THSD4: variants seen among roughly 807,000 people sequenced by gnomAD.
The protein encoded by THSD4 is thrombospondin type 1 domain containing 4.
In THSD4, 69 loss-of-function variants were observed where a neutral mutation model predicts 119.0. The ratio of observed to expected loss-of-function variants is 0.58; its 90% confidence interval spans 0.48 to 0.71. The LOEUF (loss-of-function observed/expected upper bound fraction) is 0.71. THSD4 is among the 30% of genes least tolerant of loss of function. The pLI, the probability that THSD4 is intolerant of heterozygous loss-of-function variation, is 0.00. For missense variants in THSD4, 1,393 were observed against 1,391.1 expected, an observed-to-expected ratio of 1.00 and a Z score of -0.02; for synonymous variants, 524 against 540.4, an observed-to-expected ratio of 0.97 and a Z score of 0.42.
At chr15:71,097,832 C>T (rs975165708) in intron 1 of THSD4, among the ~76,000 whole-genome samples, 1 of 151,592 alleles carries the variant, frequency 6.6e-6, no homozygotes, top group Non-Finnish European at 1.5e-5. Context: ...ATTTCTTACA[C>T]TGATCACTGT....
chr15:71,629,608 T>TA (rs1464130665), intron 7 of THSD4, among the ~76,000 whole-genome samples: 1 of 152,162 alleles, frequency 6.6e-6, no homozygotes, highest in Non-Finnish European at 1.5e-5. Context: ...ATGTGACACA[T>TA]AAAGAGATGC....
Position 71,724,287 on chromosome 15 carries a change from A to ATATATATATATATATTT in THSD4, c.1358-4261_1358-4260insATATATATATATATTTT. Among the ~76,000 whole-genome samples the ATATATATATATATATTT allele has an allele frequency of 5.9e-4, 22 of 37,276 alleles. No individual in the cohort carries two copies. In the East Asian group the frequency reaches 0.012, roughly 21 times the overall value. 24.5% of individuals were successfully genotyped at this position (37,276 alleles called of 152,430 possible). A position where few individuals can be genotyped will look rare whatever the true frequency, so the allele number is the denominator to read the frequency against. On this transcript the variant is annotated intron_variant, in intron 8 of 17. Transcript: ENST00000261862. Reference sequence around the variant, plus strand: ...ATGGGATATATATATATATATATATATTTTTTTTTTCCCCCCAAGATGGAA... The same window carrying ATATATATATATATATTT: ...ATGGGATATATATATATATATATATATATATATATATATATTTTTTTTTTTTTCCCCCCAAGATGGAA...
intron 6 of THSD4, among the ~76,000 whole-genome samples, chr15:71,319,214 C>T (rs1395371610): frequency 6.6e-6 from 1 of 152,098 alleles, no homozygotes; most frequent in African/African-American, 2.4e-5. Context: ...ATGGGGAACA[C>T]CACAATGTTG....
chr15:71,101,740 G>T (rs138761093), intron 1 of THSD4, among the ~76,000 whole-genome samples: 1,762 of 150,242 alleles, frequency 0.012, 39 homozygotes, highest in African/African-American at 0.041. Context: ...TTGAGACAGA[G>T]TCTCACTCTG....
chr15:71,164,930 C>G, intron 3 of THSD4: 1 of 1,574,632 alleles, frequency 6.4e-7, no homozygotes, highest in Non-Finnish European at 8.6e-7. Context: ...TCCTTTAGCT[C>G]GATATGCAGC....
At position 71,185,916 on chromosome 15, in the gene THSD4, C is replaced by T. The variant is rs941874540; in HGVS notation, c.100-29119C>T. The T allele has an allele frequency of 4.6e-5, 7 of 152,054 alleles. 1 individual carries two copies. The highest frequency in any genetic ancestry group is 1.0e-4 in the Non-Finnish European group (7 of 68,018). 9.4% of individuals were successfully genotyped at this position (152,054 alleles called of 1,614,324 possible). A position where few individuals can be genotyped will look rare whatever the true frequency, so the allele number is the denominator to read the frequency against. ...TGCACTGCAATGGTTAAAGTCTGGC[C>T]AGAGTTTGTGATCACAGAGGAGAGT... On this transcript the variant is annotated intron_variant, in intron 3 of 17. Transcript: ENST00000261862.
At chr15:71,570,643 G>C (rs1047565447) in intron 7 of THSD4, among the ~76,000 whole-genome samples, 1 of 152,058 alleles carries the variant, frequency 6.6e-6, no homozygotes, top group Non-Finnish European at 1.5e-5. Flanking sequence ...CATAATCTGG[G>C]AGCAAAACCC....
rs1491223591 is a variant in THSD4, at chr15:71,447,109, A to ATTTTTT, written c.1152+35289_1152+35294dup. ...TGTCCTCTGTTGCCCTCTTCCCTCC[A>ATTTTTT]TTTTTTTTGTTTTTTTTTTTTTTTT... is the stretch of plus-strand genomic sequence containing the variant. On this transcript the variant is annotated intron_variant, in intron 7 of 17. Transcript: ENST00000261862. Among the ~76,000 whole-genome samples, 9 of 69,480 alleles carry ATTTTTT rather than the reference A, an allele frequency of 1.3e-4. 1 individual carries two copies. Among genetic ancestry groups the ATTTTTT allele is most frequent in the African/African-American group, 4.4e-4 (8 of 18,164 alleles). 45.6% of individuals were successfully genotyped at this position (69,480 alleles called of 152,430 possible).
chr15:71,739,108 A>G (rs1225370993), intron 11 of THSD4, among the ~76,000 whole-genome samples: 2 of 152,188 alleles, frequency 1.3e-5, no homozygotes, highest in East Asian at 1.9e-4. Flanking sequence ...GAAAAAAAAA[A>G]AAAAAACAAA....
chr15:71,678,255 A>G (rs1284361030), intron 8 of THSD4, among the ~76,000 whole-genome samples: 1 of 152,252 alleles, frequency 6.6e-6, no homozygotes, highest in Non-Finnish European at 1.5e-5. Context: ...CCCCAAGAAG[A>G]GATATCTAAG....
At chr15:71,658,726 G>A (rs1183327116) in intron 7 of THSD4, among the ~76,000 whole-genome samples, 4 of 152,168 alleles carry the variant, frequency 2.6e-5, no homozygotes, top group Admixed American at 2.6e-4. Context: ...ATTTGAGGGA[G>A]GAGAAATACA....
chr15:71,187,073 G>A (rs1309840531), intron 3 of THSD4: 1 of 152,336 alleles, frequency 6.6e-6, no homozygotes, highest in Non-Finnish European at 1.5e-5. Flanking sequence ...GCAGAGGAAG[G>A]CGGGTCGAAT....
intron 2 of THSD4, 83 bp downstream of exon 2, chr15:71,141,639 G>A: frequency 1.4e-6 from 2 of 1,439,552 alleles, no homozygotes; most frequent in East Asian, 2.4e-5. Context: ...CTTAAAGTAA[G>A]TGATCTTAAG....
At chr15:71,731,369 A>G in intron 10 of THSD4, 152 bp downstream of exon 10, 1 of 695,256 alleles carries the variant, frequency 1.4e-6, no homozygotes, top group Non-Finnish European at 2.5e-6. Context: ...TTGACATTGG[A>G]GCAGGCTTCA....
chr15:71,147,923 T>C (rs2079220836), intron 2 of THSD4: 1 of 141,852 alleles, frequency 7.0e-6, no homozygotes, highest in Admixed American at 7.5e-5. Flanking sequence ...TGAGCTGTGA[T>C]CTTGCCACTG....
At chr15:71,630,136 C>G (rs958842535) in intron 7 of THSD4, among the ~76,000 whole-genome samples, 1 of 152,108 alleles carries the variant, frequency 6.6e-6, no homozygotes, top group African/African-American at 2.4e-5. Context: ...TCTAAAGTCC[C>G]CCAGTAAAAA....
At chr15:71,396,661 G>A (rs2046459151) in intron 6 of THSD4, among the ~76,000 whole-genome samples, 1 of 152,194 alleles carries the variant, frequency 6.6e-6, no homozygotes, top group South Asian at 2.1e-4. Context: ...TCCCGCTTCT[G>A]CTGAAGCTGT....
chr15:71,312,446 AG>A (rs2045124731), intron 6 of THSD4, among the ~76,000 whole-genome samples: 1 of 152,108 alleles, frequency 6.6e-6, no homozygotes, highest in Non-Finnish European at 1.5e-5. Flanking sequence ...TAGGACATAC[AG>A]AGACACCAGG....
chr15:71,571,070 G>A (rs1400823979), intron 7 of THSD4, among the ~76,000 whole-genome samples: 3 of 152,178 alleles, frequency 2.0e-5, no homozygotes, highest in Non-Finnish European at 4.4e-5. Context: ...TGAGCCTGAG[G>A]TGTCCTATGG....
Sources: gnomAD v4.1 joint callset for allele counts (sites outside exome capture counted in the v4.1 genomes callset) on GRCh38, gnomAD v4.1.1 for gene constraint, MANE v1.5 for transcripts, NCBI Gene and HGNC (gene_info 2026-07-23, HGNC 2026-07-21) for gene names.